Variants in NEXMIF observed in about 807,000 individuals in gnomAD.
NEXMIF encodes neurite extension and migration factor, also known as XLMR protein related to neurite extension.
NEXMIF carries 8 observed loss-of-function variants against 62.1 expected under a neutral mutation model. The observed-to-expected ratio is 0.13, with a 90% CI of 0.08 to 0.23. NEXMIF has a LOEUF of 0.23. Among genes scored for constraint, NEXMIF ranks in the 10% least tolerant of loss-of-function variants. NEXMIF has a pLI of 1.00. For synonymous variants in NEXMIF, 404 were observed against 416.6 expected, an observed-to-expected ratio of 0.97 and a Z score of 0.37; for missense variants, 976 against 1,113.3, an observed-to-expected ratio of 0.88 and a Z score of 1.75.
At chrX:74,793,301 GC>G (rs1246315644) in intron 1 of NEXMIF, among the ~76,000 whole-genome samples, 12 of 109,751 alleles carry the variant, frequency 1.1e-4, no homozygotes, top group Non-Finnish European at 1.5e-4. Flanking sequence ...TTGAATATTG[GC>G]CCCCACTCTC....
Position 74,735,167 on chromosome X carries a change from C to T in NEXMIF, c.*4238G>A, listed in dbSNP as rs1337547847. ...GTGATGGGCAGTCATTAAAAAAATC[C>T]CTAAATGAAAATGGTTACTCCTTAA... is the stretch of plus-strand genomic sequence containing the variant. On this transcript the variant is annotated 3_prime_UTR_variant, in exon 4 of 4. Transcript: ENST00000055682. 9.0e-6 allele frequency: 1 copy of T among 111,068 alleles called. No individual in the cohort carries two copies. The highest frequency in any genetic ancestry group is 1.9e-5 in the Non-Finnish European group (1 of 52,888). The allele number at this position is 111,068 out of a possible 1,213,427, so 9.2% of individuals were successfully genotyped here. A position where few individuals can be genotyped will look rare whatever the true frequency, so the allele number is the denominator to read the frequency against.
At chrX:74,924,378 T>A (rs752522608) in intron 1 of NEXMIF, among the ~76,000 whole-genome samples, 2 of 112,775 alleles carry the variant, frequency 1.8e-5, no homozygotes, top group Non-Finnish European at 3.8e-5. Flanking sequence ...GAGTGGCGCG[T>A]GTCCTGGGGG....
intron 1 of NEXMIF, among the ~76,000 whole-genome samples, chrX:74,873,559 A>T (rs1027787023): frequency 8.9e-5 from 10 of 111,863 alleles, no homozygotes; most frequent in Admixed American, 3.8e-4. Context: ...CCCTGAGGAA[A>T]CACCACACTG....
intron 1 of NEXMIF, among the ~76,000 whole-genome samples, chrX:74,789,735 G>A (rs1442552667): frequency 1.8e-5 from 2 of 109,929 alleles, no homozygotes; most frequent in Admixed American, 9.7e-5. Flanking sequence ...GTGATGATGA[G>A]CATTTTTTCA....
At chrX:74,899,358 A>T (rs1441466208) in intron 1 of NEXMIF, among the ~76,000 whole-genome samples, 1 of 111,920 alleles carries the variant, frequency 8.9e-6, no homozygotes, top group African/African-American at 3.2e-5. Flanking sequence ...AACTGTTAGA[A>T]CTGATCAATG....
chrX:74,864,631 T>C (rs1047947931), intron 1 of NEXMIF, among the ~76,000 whole-genome samples: 1 of 112,416 alleles, frequency 8.9e-6, no homozygotes, highest in Non-Finnish European at 1.9e-5. Context: ...TCCACTATGA[T>C]TGTGAGGCCT....
intron 1 of NEXMIF, among the ~76,000 whole-genome samples, chrX:74,880,697 T>C (rs1180724575): frequency 8.9e-6 from 1 of 112,022 alleles, no homozygotes; most frequent in Non-Finnish European, 1.9e-5. Flanking sequence ...CAATGGAAAT[T>C]AGGTGTAGAA....
intron 1 of NEXMIF, among the ~76,000 whole-genome samples, chrX:74,801,769 A>T (rs767946687): frequency 8.9e-6 from 1 of 112,524 alleles, no homozygotes; most frequent in South Asian, 3.7e-4. Flanking sequence ...AGGGTCCCCA[A>T]TTACAGGCTC....
intron 1 of NEXMIF, among the ~76,000 whole-genome samples, chrX:74,847,400 A>C (rs2080495747): frequency 1.8e-5 from 2 of 112,220 alleles, no homozygotes; most frequent in Admixed American, 9.4e-5. Context: ...ATTCTACTTT[A>C]AAGACGTTAA....
chrX:74,790,200 T>G (rs1256805846), intron 1 of NEXMIF, among the ~76,000 whole-genome samples: 1 of 109,288 alleles, frequency 9.2e-6, no homozygotes, highest in Non-Finnish European at 1.9e-5. Flanking sequence ...ATATGGCTAG[T>G]CAGTTTTCCC....
chrX:74,821,139 T>C (rs187181650), intron 1 of NEXMIF, among the ~76,000 whole-genome samples: 66 of 111,507 alleles, frequency 5.9e-4, no homozygotes, highest in African/African-American at 2.0e-3. Flanking sequence ...AGAAAACAAC[T>C]GTTTGTCTCT....
At chrX:74,800,386 T>G (rs1323493821) in intron 1 of NEXMIF, among the ~76,000 whole-genome samples, 7 of 111,754 alleles carry the variant, frequency 6.3e-5, no homozygotes, top group Non-Finnish European at 1.3e-4. Context: ...TTTTTTTTTA[T>G]AAAAAGCTTT....
At chrX:74,889,125 T>C (rs1006810131) in intron 1 of NEXMIF, among the ~76,000 whole-genome samples, 14 of 111,968 alleles carry the variant, frequency 1.3e-4, no homozygotes, top group African/African-American at 4.2e-4. Context: ...TTTCCGTTAA[T>C]GCCCAGATCT....
intron 1 of NEXMIF, among the ~76,000 whole-genome samples, chrX:74,766,414 C>G (rs1018455660): frequency 1.8e-5 from 2 of 112,015 alleles, no homozygotes; most frequent in African/African-American, 6.5e-5. Context: ...CCATATTACT[C>G]AGAGGTTTTG....
chrX:74,764,366 T>C (rs1270290333), intron 1 of NEXMIF, among the ~76,000 whole-genome samples: 1 of 111,894 alleles, frequency 8.9e-6, no homozygotes, highest in African/African-American at 3.3e-5. Context: ...TGGATTCGGT[T>C]TGCCAGTATT....
intron 1 of NEXMIF, among the ~76,000 whole-genome samples, chrX:74,911,284 G>T (rs1443931951): frequency 9.0e-6 from 1 of 111,242 alleles, no homozygotes; most frequent in Non-Finnish European, 1.9e-5. Context: ...GCCAGGGGTT[G>T]TGGCGGGTGC....
At chrX:74,777,731 A>C (rs1475232569) in intron 1 of NEXMIF, among the ~76,000 whole-genome samples, 4 of 111,774 alleles carry the variant, frequency 3.6e-5, no homozygotes, top group Non-Finnish European at 7.5e-5. Context: ...CAGACAGATA[A>C]AATGGACTCC....
rs1238670145 is a variant in NEXMIF at position 74,785,708 on chromosome X, G to C, written c.-47-40011C>G. Among the ~76,000 whole-genome samples, 3 of 112,186 alleles carry C rather than the reference G, an allele frequency of 2.7e-5. No individual in the cohort carries two copies. The East Asian group carries it at 8.4e-4, about 32-fold the overall frequency. Reference sequence around the variant, plus strand: ...TACACATGGATTTGAGAAAGATCCTGGTTGGGTTTGTTCAGTGGCATTATT... The same window carrying C: ...TACACATGGATTTGAGAAAGATCCTCGTTGGGTTTGTTCAGTGGCATTATT... On this transcript the variant is annotated intron_variant, in intron 1 of 3. Coordinates refer to ENST00000055682, the MANE Select transcript of NEXMIF (RefSeq NM_001008537.3).
chrX:74,770,558 C>G (rs1407665957), intron 1 of NEXMIF, among the ~76,000 whole-genome samples: 1 of 112,125 alleles, frequency 8.9e-6, no homozygotes, highest in Non-Finnish European at 1.9e-5. Flanking sequence ...TACAGTTATA[C>G]AAACCCTTTT....
Sources: gnomAD v4.1 joint callset for allele counts (sites outside exome capture counted in the v4.1 genomes callset) on GRCh38, gnomAD v4.1.1 for gene constraint, MANE v1.5 for transcripts, NCBI Gene and HGNC (gene_info 2026-07-23, HGNC 2026-07-21) for gene names.